The following RBM10 variants were observed in gnomAD, a reference collection of about 807,000 sequenced individuals.
RBM10 encodes RNA binding motif protein 10.
A neutral mutation model predicts 84.9 loss-of-function variants in RBM10; 1 was observed. The ratio of observed to expected loss-of-function variants is 0.01; its 90% CI spans 0.00 to 0.06. The LOEUF is 0.06. RBM10 is among the 10% of genes least tolerant of loss of function. The pLI is 1.00. For synonymous variants in RBM10, 326 were observed against 344.5 expected, an observed-to-expected ratio of 0.95 and a Z score of 0.60; for missense variants, 438 against 839.0, an observed-to-expected ratio of 0.52 and a Z score of 5.90.
chrX:47,170,955 G>A, intron 3 of RBM10, 73 bp from the exon 4 acceptor site: 3 of 1,066,417 alleles, frequency 2.8e-6, no homozygotes, highest in Non-Finnish European at 3.9e-6. Flanking sequence ...GCCTCACAGA[G>A]CCAGCGGCCA....
intron 17 of RBM10, among the ~76,000 whole-genome samples, chrX:47,183,606 A>G (rs1857655962): frequency 9.0e-6 from 1 of 111,275 alleles, no homozygotes; most frequent in Non-Finnish European, 1.9e-5. Flanking sequence ...GGTATGATGT[A>G]CATTATTTGG....
At position 47,173,131 on chromosome X, in the gene RBM10, C is replaced by T. The variant is rs2147142276; in HGVS notation, c.436C>T (p.Arg146Cys). ...LPQAATEDDI[R>C]GQLQSHGVQA... The stretch of plus-strand genomic sequence containing the variant: ...TACTCTGTATCTCCCCGTATAGATC[C>T]GTGGCCAGCTGCAGTCGCACGGCGT... Residue 146 changes from arginine to cysteine, a missense_variant, in exon 5 of 24, where the codon CGT (arginine) becomes TGT (cysteine). Arg to Cys is a radical substitution (Grantham distance 180). Transcript: ENST00000377604. 3 of 1,212,364 alleles carry T rather than the reference C, an allele frequency of 2.5e-6. No homozygotes were observed. The highest frequency in any genetic ancestry group is 3.0e-5 in the East Asian group (1 of 33,856).
At position 47,173,322 on chromosome X, in the gene RBM10, G is replaced by A. The variant is rs185567880; in HGVS notation, c.502+125G>A. 3.2e-5 allele frequency: 37 copies of A among 1,154,882 alleles called. No homozygotes were observed. In the East Asian group the frequency reaches 4.2e-4, roughly 13 times the overall value. On this transcript the variant is annotated intron_variant, in intron 5 of 23. Coordinates refer to ENST00000377604, the MANE Select transcript of RBM10 (RefSeq NM_005676.5). ...CCTGCCACAGCTGGGAATGGGCAGC[G>A]TGGGGGGTGCCCTCTCTTCTCTCCC...
At chrX:47,147,629 A>T in intron 2 of RBM10, 131 bp downstream of exon 2, 1 of 869,993 alleles carries the variant, frequency 1.1e-6, no homozygotes. Flanking sequence ...TCTTTTCAGC[A>T]GACAGGTGTT....
intron 2 of RBM10, among the ~76,000 whole-genome samples, chrX:47,168,632 A>G (rs1293925351): frequency 8.9e-6 from 1 of 111,819 alleles, no homozygotes; most frequent in Non-Finnish European, 1.9e-5. Flanking sequence ...TTTTAATGAA[A>G]GAGCTGCTAG....
intron 2 of RBM10, among the ~76,000 whole-genome samples, chrX:47,151,809 T>C (rs1156240900): frequency 5.3e-5 from 6 of 112,432 alleles, no homozygotes; most frequent in Admixed American, 9.5e-5. Context: ...ATGCAGTAAG[T>C]TTTTAGAATG....
chrX:47,173,268 G>A, intron 5 of RBM10, 71 bp downstream of exon 5: 1 of 1,183,677 alleles, frequency 8.4e-7, no homozygotes, highest in Admixed American at 2.4e-5. Context: ...TCCTGCCTCT[G>A]CCTTCTCCCC....
chrX:47,160,903 G>A (rs1305879313), intron 2 of RBM10, among the ~76,000 whole-genome samples: 9 of 111,809 alleles, frequency 8.0e-5, no homozygotes, highest in African/African-American at 1.6e-4. Flanking sequence ...AAGCAGTCAC[G>A]GACAATTTAT....
In RBM10 at chrX:47,186,638, ATCC is replaced by A. The variant is rs781877538; in HGVS notation, c.*41_*43del. 545 of 1,206,036 alleles carry A rather than the reference ATCC, an allele frequency of 4.5e-4. No individual in the cohort carries two copies. The highest frequency in any genetic ancestry group is 3.5e-4 in the Non-Finnish European group (313 of 892,132). On this transcript the variant is annotated 3_prime_UTR_variant, in exon 24 of 24. Coordinates refer to ENST00000377604, the MANE Select transcript of RBM10 (RefSeq NM_005676.5). ...CAACTTCTCCACATGTTGGGTGTCCATCCTGGGGCAGGGAAGGACAGAGTGTTG... is the reference window on the plus strand; with the variant it reads ...CAACTTCTCCACATGTTGGGTGTCCATGGGGCAGGGAAGGACAGAGTGTTG...
Position 47,145,476 on chromosome X carries a change from G to A in RBM10, c.-135G>A, listed in dbSNP as rs1556761631. 1.7e-6 allele frequency: 2 copies of A among 1,151,543 alleles called. No individual in the cohort carries two copies. Among genetic ancestry groups the A allele is most frequent in the Non-Finnish European group, 2.3e-6 (2 of 871,725 alleles). The allele number at this position is 1,151,543 out of a possible 1,213,427, so 94.9% of individuals were successfully genotyped here. On this transcript the variant is annotated 5_prime_UTR_variant, in exon 1 of 24. Coordinates refer to ENST00000377604, the MANE Select transcript of RBM10 (RefSeq NM_005676.5). ...CTGGGAGCCCTTCCTTGACAGCCCG[G>A]GCCGAGAAGGTGAGCGTCGACGCTG...
chrX:47,147,776 G>T (rs1310279014), intron 2 of RBM10, among the ~76,000 whole-genome samples: 1 of 110,749 alleles, frequency 9.0e-6, no homozygotes, highest in African/African-American at 3.3e-5. Flanking sequence ...TTGAGGTTGG[G>T]GCTATAGCCT....
chrX:47,154,608 C>A (rs1423684563), intron 2 of RBM10, among the ~76,000 whole-genome samples: 2 of 109,236 alleles, frequency 1.8e-5, no homozygotes, highest in Non-Finnish European at 3.8e-5. Context: ...CGTGCCACCA[C>A]ACCCGGCTAA....
chrX:47,175,114 C>T (rs1376350807), intron 6 of RBM10, 22 bp downstream of exon 6: 6 of 998,376 alleles, frequency 6.0e-6, no homozygotes, highest in Non-Finnish European at 8.1e-6. Context: ...GCACTTGAAC[C>T]CCCCCCCAAA....
intron 5 of RBM10, 56 bp from the exon 6 acceptor site, chrX:47,174,963 G>A (rs1935024873): frequency 3.9e-5 from 42 of 1,064,841 alleles, no homozygotes; most frequent in Non-Finnish European, 5.0e-5. Context: ...CGGGAACGCC[G>A]TGTGTCCAAA....
intron 2 of RBM10, chrX:47,158,257 T>A: frequency 6.4e-6 from 1 of 156,414 alleles, no homozygotes; most frequent in Non-Finnish European, 1.2e-5. Flanking sequence ...GCTGAGTCTG[T>A]TGGCCAGTGA....
chrX:47,180,065 G>A (rs950408247), intron 10 of RBM10, 25 bp downstream of exon 10: 32 of 1,206,841 alleles, frequency 2.7e-5, no homozygotes, highest in Non-Finnish European at 3.4e-5. Flanking sequence ...GTTGGGGGCC[G>A]GGCAGCCAGG....
chrX:47,178,239 G>T (rs1935284071), intron 7 of RBM10, among the ~76,000 whole-genome samples: 1 of 111,360 alleles, frequency 9.0e-6, no homozygotes, highest in African/African-American at 3.3e-5. Flanking sequence ...CCCGGCCTTG[G>T]CTTTTGCTTC....
In RBM10 at chrX:47,179,175, C is replaced by T. The variant is rs1239807712; in HGVS notation, c.724+12C>T. On this transcript the variant is annotated intron_variant, in intron 8 of 23. Coordinates refer to ENST00000377604, the MANE Select transcript of RBM10 (RefSeq NM_005676.5). ...CGTGCCCAAGTCAGGTGAGGCCCAC[C>T]TACCTCTCGTGCTCTCCAGGGCGGA... 8.3e-7 allele frequency: 1 copy of T among 1,208,097 alleles called. No homozygotes were observed. The highest frequency in any genetic ancestry group is 1.1e-6 in the Non-Finnish European group (1 of 893,506).
intron 2 of RBM10, among the ~76,000 whole-genome samples, chrX:47,148,088 AG>A (rs1417445354): frequency 5.4e-5 from 6 of 112,126 alleles, no homozygotes; most frequent in Non-Finnish European, 1.1e-4. Flanking sequence ...CTAGAAAAGC[AG>A]ACCTAACTCT....
Sources: allele counts gnomAD v4.1 joint callset (sites outside exome capture counted in the v4.1 genomes callset), GRCh38; gene constraint gnomAD v4.1.1; transcripts MANE v1.5; gene names NCBI Gene and HGNC (gene_info 2026-07-23, HGNC 2026-07-21).